Variants in CFAP299 observed in about 807,000 individuals in gnomAD.
The protein encoded by CFAP299 is cilia- and flagella-associated protein 299.
In CFAP299, 21 loss-of-function variants were observed where a neutral mutation model predicts 27.0. That is an observed-to-expected ratio of 0.78 (90% CI 0.55 to 1.12). CFAP299 has a LOEUF of 1.12. Ranked by LOEUF, CFAP299 falls within the 50% of genes most tolerant of loss-of-function variation. The pLI, the probability that CFAP299 is intolerant of heterozygous loss-of-function variation, is 0.00. For synonymous variants in CFAP299, 104 were observed against 98.1 expected (o/e 1.06, Z -0.36); for missense variants, 310 against 276.6 (o/e 1.12, Z -0.86).
intron 3 of CFAP299, among the ~76,000 whole-genome samples, chr4:80,721,156 G>T (rs1271843080): frequency 6.6e-6 from 1 of 152,136 alleles, no homozygotes; most frequent in South Asian, 2.1e-4. Flanking sequence ...AATCCAGAAA[G>T]GAAAGGCAGG....
At chr4:80,828,610 C>T (rs772418310) in intron 3 of CFAP299, among the ~76,000 whole-genome samples, 2 of 151,864 alleles carry the variant, frequency 1.3e-5, no homozygotes, top group Admixed American at 1.3e-4. Flanking sequence ...AGCCCCTCCC[C>T]CTACCCTGAT....
At chr4:80,859,990 A>G (rs955424356) in intron 3 of CFAP299, among the ~76,000 whole-genome samples, 1 of 152,142 alleles carries the variant, frequency 6.6e-6, no homozygotes, top group Non-Finnish European at 1.5e-5. Context: ...CTCCTGGATA[A>G]TATCCTGCAG....
intron 3 of CFAP299, among the ~76,000 whole-genome samples, chr4:80,776,569 C>T (rs866139664): frequency 1.3e-5 from 2 of 151,924 alleles, no homozygotes; most frequent in Admixed American, 1.3e-4. Flanking sequence ...GGGAACATCA[C>T]ACACCCGGGC....
chr4:80,429,017 A>T (rs1387049011), intron 2 of CFAP299, among the ~76,000 whole-genome samples: 1 of 152,224 alleles, frequency 6.6e-6, no homozygotes, highest in Non-Finnish European at 1.5e-5. Flanking sequence ...TTATGGGATG[A>T]GCATTTGACA....
intron 2 of CFAP299, among the ~76,000 whole-genome samples, chr4:80,562,825 A>G (rs985210465): frequency 2.0e-5 from 3 of 151,902 alleles, no homozygotes; most frequent in Non-Finnish European, 2.9e-5. Context: ...TAAAGAACCC[A>G]CAGACTGAAA....
intron 3 of CFAP299, among the ~76,000 whole-genome samples, chr4:80,833,213 T>TA (rs1730391169): frequency 6.6e-6 from 1 of 152,140 alleles, no homozygotes; most frequent in South Asian, 2.1e-4. Context: ...TACAAACCCA[T>TA]AAACTTGTTT....
chr4:80,851,520 A>G (rs1352872654), intron 3 of CFAP299, among the ~76,000 whole-genome samples: 1 of 152,174 alleles, frequency 6.6e-6, no homozygotes, highest in South Asian at 2.1e-4. Context: ...AGGAGAAGAA[A>G]AAGAAGGAAT....
At chr4:80,643,016 G>A (rs895337879) in intron 3 of CFAP299, among the ~76,000 whole-genome samples, 2 of 152,008 alleles carry the variant, frequency 1.3e-5, no homozygotes, top group Non-Finnish European at 2.9e-5. Flanking sequence ...GAGATGTAGG[G>A]CCGGGTGTGG....
chr4:80,559,189 A>C (rs996502143), intron 2 of CFAP299, among the ~76,000 whole-genome samples: 1 of 152,048 alleles, frequency 6.6e-6, no homozygotes, highest in African/African-American at 2.4e-5. Context: ...TTTCATGTGA[A>C]CTTTCCTTGT....
chr4:80,884,959 G>C (rs1264454222), intron 4 of CFAP299, among the ~76,000 whole-genome samples: 1 of 152,174 alleles, frequency 6.6e-6, no homozygotes, highest in African/African-American at 2.4e-5. Flanking sequence ...GCATGGAAGA[G>C]GCTCAGAGAG....
chr4:80,938,418 G>A lies in CFAP299; in HGVS notation c.477-6392G>A, dbSNP rs191133702. Among the ~76,000 whole-genome samples the A allele has an allele frequency of 2.5e-3, 375 of 152,340 alleles. 1 individual carries two copies. The highest frequency in any genetic ancestry group is 0.01 in the Middle Eastern group (3 of 294). ...TAGCATGAGCCATCTGTGCCTTAAA[G>A]ACATGATCCTGCTGCAGATAACTAG... On this transcript the variant is annotated intron_variant, in intron 4 of 5. Transcript: ENST00000358105.
At chr4:80,463,889 T>C (rs1330382133) in intron 2 of CFAP299, among the ~76,000 whole-genome samples, 1 of 152,106 alleles carries the variant, frequency 6.6e-6, no homozygotes, top group Admixed American at 6.6e-5. Context: ...ATGTATAACT[T>C]CACATGCACA....
At chr4:80,499,013 A>G (rs139132062) in intron 2 of CFAP299, among the ~76,000 whole-genome samples, 135 of 152,240 alleles carry the variant, frequency 8.9e-4, no homozygotes, top group African/African-American at 2.9e-3. Context: ...AAAACACTGC[A>G]TGTTCTCACT....
At chr4:80,548,852 T>C (rs866452159) in intron 2 of CFAP299, among the ~76,000 whole-genome samples, 12 of 152,236 alleles carry the variant, frequency 7.9e-5, no homozygotes, top group African/African-American at 2.9e-4. Context: ...CAGTGCAGCC[T>C]GATTTAGAAT....
chr4:80,385,583 G>C (rs1471998255), intron 2 of CFAP299, among the ~76,000 whole-genome samples: 2 of 152,042 alleles, frequency 1.3e-5, no homozygotes, highest in Admixed American at 6.5e-5. Context: ...GGCTCAGAGG[G>C]GTGAAGTGAC....
intron 2 of CFAP299, among the ~76,000 whole-genome samples, chr4:80,459,191 T>C (rs1250694767): frequency 6.6e-6 from 1 of 152,150 alleles, no homozygotes; most frequent in Non-Finnish European, 1.5e-5. Flanking sequence ...GGTCTCCCTA[T>C]GTTGCCCAGG....
rs185317257 is a variant in CFAP299, at chr4:80,795,596, G to A, written c.334-74397G>A. On this transcript the variant is annotated intron_variant, in intron 3 of 5. Coordinates refer to ENST00000358105, the MANE Select transcript of CFAP299 (RefSeq NM_152770.3). ...AGGCAGAGTGGCAGGAGTGGAGACCGTGGGCATTTGAGCCACTTACTCGTG... is the reference window on the plus strand; with the variant it reads ...AGGCAGAGTGGCAGGAGTGGAGACCATGGGCATTTGAGCCACTTACTCGTG... Among the ~76,000 whole-genome samples the A allele has an allele frequency of 2.6e-3, 389 of 152,248 alleles. 1 individual carries two copies. Among genetic ancestry groups the A allele is most frequent in the African/African-American group, 8.8e-3 (365 of 41,546 alleles).
intron 1 of CFAP299, among the ~76,000 whole-genome samples, chr4:80,340,686 A>T (rs1386612484): frequency 6.6e-6 from 1 of 152,182 alleles, no homozygotes; most frequent in Non-Finnish European, 1.5e-5. Flanking sequence ...GGCTCTGGGG[A>T]GTCTAGGTGG....
At chr4:80,485,050 G>A (rs1237246347) in intron 2 of CFAP299, among the ~76,000 whole-genome samples, 1 of 152,032 alleles carries the variant, frequency 6.6e-6, no homozygotes, top group Non-Finnish European at 1.5e-5. Flanking sequence ...TATAATGGAA[G>A]GACCAGGCTT....
Sources: allele counts gnomAD v4.1 joint callset (sites outside exome capture counted in the v4.1 genomes callset), GRCh38; gene constraint gnomAD v4.1.1; transcripts MANE v1.5; gene names NCBI Gene and HGNC (gene_info 2026-07-23, HGNC 2026-07-21).